Variants in CLMN observed in about 807,000 individuals in gnomAD.
CLMN encodes calmin (calponin-like, transmembrane).
In CLMN, 57 loss-of-function variants were observed where a neutral mutation model predicts 92.7. The ratio of observed to expected loss-of-function variants is 0.61; its 90% CI spans 0.50 to 0.77. The LOEUF (loss-of-function observed/expected upper bound fraction) is 0.77, where lower values mean the gene tolerates loss of function less well. CLMN is among the 30% of genes least tolerant of loss of function. The pLI is 0.00. For synonymous variants in CLMN, 466 were observed against 470.6 expected (o/e 0.99, Z 0.13); for missense variants, 1,158 against 1,237.5 (o/e 0.94, Z 0.96).
At chr14:95,246,073 T>C (rs986936341) in intron 1 of CLMN, among the ~76,000 whole-genome samples, 1 of 152,234 alleles carries the variant, frequency 6.6e-6, no homozygotes, top group Non-Finnish European at 1.5e-5. Context: ...ACTCTGCTAA[T>C]ACTAAATAAG....
intron 4 of CLMN, among the ~76,000 whole-genome samples, chr14:95,220,312 G>A (rs547877099): frequency 1.3e-5 from 2 of 151,644 alleles, no homozygotes; most frequent in African/African-American, 4.8e-5. Flanking sequence ...TCGTAGCTAG[G>A]ATTATAGCTC....
rs1896477499 is a variant in CLMN, at chr14:95,187,892, T to C, written c.*3672A>G. ...CTGGAGGAAGGGGCAAAAGGTGTCCTTTGCCAGTCAAGCCAAGTGCTCATG... is the reference window on the plus strand; with the variant it reads ...CTGGAGGAAGGGGCAAAAGGTGTCCCTTGCCAGTCAAGCCAAGTGCTCATG... On this transcript the variant is annotated 3_prime_UTR_variant, in exon 13 of 13. Transcript: ENST00000298912. 6.6e-6 allele frequency: 1 copy of C among 152,362 alleles called. No individual in the cohort carries two copies. Among genetic ancestry groups the C allele is most frequent in the African/African-American group, 2.4e-5 (1 of 41,584 alleles). 9.4% of individuals were successfully genotyped at this position (152,362 alleles called of 1,614,324 possible).
intron 1 of CLMN, among the ~76,000 whole-genome samples, chr14:95,262,855 T>C (rs6575506): frequency 0.21 from 32,638 of 152,194 alleles, 4,194 homozygotes; most frequent in African/African-American, 0.36. Flanking sequence ...CATGAGCTAC[T>C]GTGCCCAGCC....
At chr14:95,207,482 G>T (rs959743797) in intron 8 of CLMN, among the ~76,000 whole-genome samples, 56 of 152,146 alleles carry the variant, frequency 3.7e-4, no homozygotes, top group African/African-American at 1.3e-3. Flanking sequence ...CTATGTAACT[G>T]TAACTTTATA....
intron 1 of CLMN, among the ~76,000 whole-genome samples, chr14:95,274,664 G>T (rs985331525): frequency 7.9e-5 from 12 of 152,198 alleles, no homozygotes; most frequent in African/African-American, 2.7e-4. Flanking sequence ...TCTCATTCTT[G>T]TGTGTGTCTT....
Position 95,203,586 on chromosome 14 carries a change from T to G in CLMN, c.1763A>C (p.Glu588Ala), listed in dbSNP as rs1896953554. Residue 588 changes from glutamate to alanine, a missense_variant, in exon 9 of 13, where the codon GAG becomes GCG. Coordinates refer to ENST00000298912, the MANE Select transcript of CLMN (RefSeq NM_024734.4). ...QAFNKVPSPH[E>A]TKPDEDAEAF... ...CTCAGCATCCTCGTCAGGTTTTGTC[T>G]CATGAGGTGAAGGAACTTTGTTGAA... 4.3e-6 allele frequency: 7 copies of G among 1,614,042 alleles called. No homozygotes were observed. The highest frequency in any genetic ancestry group is 5.9e-6 in the Non-Finnish European group (7 of 1,180,028).
chr14:95,256,966 A>G lies in CLMN; in HGVS notation c.83-26833T>C, dbSNP rs572812223. ...AAGGCTGGGTGGCATCTAATGATGA[A>G]TGATGTGTTCTGAGACTGGTTAAGC... On this transcript the variant is annotated intron_variant, in intron 1 of 12. Coordinates refer to ENST00000298912, the MANE Select transcript of CLMN (RefSeq NM_024734.4). The surrounding 1 kb of genome is among the most constrained non-coding windows in gnomAD (Gnocchi z 4.9). Among the ~76,000 whole-genome samples the G allele has an allele frequency of 2.5e-3, 374 of 152,294 alleles. 6 individuals are homozygous for G. Among genetic ancestry groups the G allele is most frequent in the South Asian group, 2.5e-3 (12 of 4,822 alleles).
intron 1 of CLMN, among the ~76,000 whole-genome samples, chr14:95,304,347 GA>G (rs113509058): frequency 0.17 from 22,448 of 133,206 alleles, 1,926 homozygotes; most frequent in Middle Eastern, 0.29. Flanking sequence ...TGTCTTAAAA[GA>G]AAAAAAAAAA....
At chr14:95,278,803 C>T (rs1053330899) in intron 1 of CLMN, among the ~76,000 whole-genome samples, 1 of 152,108 alleles carries the variant, frequency 6.6e-6, no homozygotes, top group African/African-American at 2.4e-5. Flanking sequence ...ATCCCCACCC[C>T]CACTAACAAA....
At position 95,209,391 on chromosome 14, in the gene CLMN, A is replaced by G. The variant is rs746204272; in HGVS notation, c.885+4T>C. The G allele has an allele frequency of 3.7e-6, 6 of 1,613,708 alleles. No individual in the cohort carries two copies. In the African/African-American group the frequency reaches 8.0e-5, roughly 22 times the overall value. ...GGAATTAAAGGTAAGAAAAGCAAAC[A>G]TACGGCTTCCAACTCCGGAAAACGT... On this transcript the variant is annotated splice_donor_region_variant and intron_variant, in intron 8 of 12. Coordinates refer to ENST00000298912, the MANE Select transcript of CLMN (RefSeq NM_024734.4).
chr14:95,280,098 A>T (rs541567361), intron 1 of CLMN, among the ~76,000 whole-genome samples: 2 of 152,298 alleles, frequency 1.3e-5, no homozygotes, highest in East Asian at 3.9e-4. Context: ...ATTGTGTGTG[A>T]ACATATTGGC....
rs182405058 is a variant in CLMN at position 95,195,928 on chromosome 14, G to A, written c.2708+570C>T. The stretch of plus-strand genomic sequence containing the variant: ...AGCAGAGGTGTGCTATGAGATTCCT[G>A]TAGATCAGTTAAATCTCATTATCCT... On this transcript the variant is annotated intron_variant, in intron 10 of 12. Coordinates refer to ENST00000298912, the MANE Select transcript of CLMN (RefSeq NM_024734.4). 3.9e-5 allele frequency among the ~76,000 whole-genome samples: 6 copies of A among 152,280 alleles called. No homozygotes were observed. The East Asian group carries it at 1.2e-3, about 29-fold the overall frequency.
intron 1 of CLMN, among the ~76,000 whole-genome samples, chr14:95,291,371 C>A (rs961843164): frequency 6.6e-6 from 1 of 152,204 alleles, no homozygotes; most frequent in Non-Finnish European, 1.5e-5. Flanking sequence ...GCAGCTCCTG[C>A]GTCTCGGGGC....
chr14:95,268,794 C>CTT lies in CLMN; in HGVS notation c.83-38663_83-38662dup, dbSNP rs985091508. On this transcript the variant is annotated intron_variant, in intron 1 of 12. Transcript: ENST00000298912. Reference sequence around the variant, plus strand: ...TACTGGGACCTCTCTCTCTCTCTCTCTTTTTTTTTTTTTTTTTTTTTTTTT... The same window carrying CTT: ...TACTGGGACCTCTCTCTCTCTCTCTCTTTTTTTTTTTTTTTTTTTTTTTTTTT... Among the ~76,000 whole-genome samples the CTT allele has an allele frequency of 1.9e-3, 121 of 63,100 alleles. 2 individuals are homozygous for CTT. Among genetic ancestry groups the CTT allele is most frequent in the African/African-American group, 2.1e-3 (27 of 13,114 alleles). 41.4% of individuals were successfully genotyped at this position (63,100 alleles called of 152,430 possible). A position where few individuals can be genotyped will look rare whatever the true frequency, so the allele number is the denominator to read the frequency against.
intron 1 of CLMN, among the ~76,000 whole-genome samples, chr14:95,249,229 G>A (rs561808781): frequency 3.0e-4 from 45 of 152,222 alleles, no homozygotes; most frequent in African/African-American, 1.0e-3. Flanking sequence ...ATCTTTTCTC[G>A]CCTTTCCTGA....
chr14:95,257,070 G>A (rs1314067357), intron 1 of CLMN, among the ~76,000 whole-genome samples: 1 of 152,152 alleles, frequency 6.6e-6, no homozygotes, highest in East Asian at 1.9e-4. Flanking sequence ...TGCCACCCAG[G>A]GGTTTCTTCA....
chr14:95,187,371 G>A lies in CLMN; in HGVS notation c.*4193C>T, dbSNP rs1372758199. 6.6e-6 allele frequency: 1 copy of A among 152,330 alleles called. No homozygotes were observed. Among genetic ancestry groups the A allele is most frequent in the African/African-American group, 2.4e-5 (1 of 41,442 alleles). The allele number at this position is 152,330 out of a possible 1,614,324, so 9.4% of individuals were successfully genotyped here. A position where few individuals can be genotyped will look rare whatever the true frequency, so the allele number is the denominator to read the frequency against. On this transcript the variant is annotated 3_prime_UTR_variant, in exon 13 of 13. Coordinates refer to ENST00000298912, the MANE Select transcript of CLMN (RefSeq NM_024734.4). Reference sequence around the variant, plus strand: ...CAAGAGCTAGCAACCTATTTATGCAGGAATGGAACTGATGGAAAAGTGAGC... The same window carrying A: ...CAAGAGCTAGCAACCTATTTATGCAAGAATGGAACTGATGGAAAAGTGAGC...
At chr14:95,310,959 TG>T (rs912642341) in intron 1 of CLMN, among the ~76,000 whole-genome samples, 3 of 151,922 alleles carry the variant, frequency 2.0e-5, no homozygotes, top group African/African-American at 7.3e-5. Flanking sequence ...GAGAGATGGA[TG>T]GGGTGCGAGA....
intron 7 of CLMN, 33 bp from the exon 8 acceptor site, chr14:95,209,510 T>C (rs768755372): frequency 2.0e-6 from 3 of 1,516,282 alleles, no homozygotes; most frequent in Non-Finnish European, 2.8e-6. Context: ...TAGCAGGAGA[T>C]ACAAACACAC....
Sources: gnomAD v4.1 joint callset for allele counts (sites outside exome capture counted in the v4.1 genomes callset) on GRCh38, gnomAD v4.1.1 for gene constraint, Gnocchi (gnomAD v3.1) non-coding constraint, MANE v1.5 for transcripts, NCBI Gene and HGNC (gene_info 2026-07-23, HGNC 2026-07-21) for gene names.